Variants in SERPING1 observed in about 807,000 individuals in gnomAD.
SERPING1 encodes plasma protease C1 inhibitor.
SERPING1 carries 5 observed loss-of-function variants against 34.1 expected under a neutral mutation model. The observed-to-expected ratio is 0.15, with a 90% CI of 0.08 to 0.31. SERPING1 has a LOEUF of 0.31. Ranked by LOEUF, SERPING1 falls within the 10% of genes least tolerant of loss-of-function variation. The pLI, the probability that SERPING1 is intolerant of heterozygous loss-of-function variation, is 1.00. For missense variants in SERPING1, 505 were observed against 609.5 expected (o/e 0.83, Z 1.81); for synonymous variants, 225 against 242.4 (o/e 0.93, Z 0.67).
At chr11:57,608,759 G>A (rs1022630084) in intron 6 of SERPING1, among the ~76,000 whole-genome samples, 6 of 150,398 alleles carry the variant, frequency 4.0e-5, no homozygotes, top group African/African-American at 9.8e-5. Flanking sequence ...GTGCTCGTCC[G>A]TCTTCGGCCT....
At chr11:57,601,725 T>C (rs1022330748) in intron 3 of SERPING1, among the ~76,000 whole-genome samples, 2 of 151,824 alleles carry the variant, frequency 1.3e-5, no homozygotes, top group African/African-American at 4.8e-5. Context: ...TAGCCAGGCA[T>C]AGTGATGCAT....
Position 57,611,742 on chromosome 11 carries a change from A to G in SERPING1, c.1055A>G (p.Asn352Ser), listed in dbSNP as rs776553402. Residue 352 changes from asparagine to serine, a missense_variant, in exon 7 of 8, where the codon AAT becomes AGT. Transcript: ENST00000278407. Reference protein sequence around the residue: ...AKVGQLQLSHNLSLVILVPQN... With the variant: ...AKVGQLQLSHSLSLVILVPQN... The stretch of plus-strand genomic sequence containing the variant: ...GTGGGGCAGCTGCAGCTCTCCCACA[A>G]TCTGAGTTTGGTGATCCTGGTACCC... 6 of 1,614,088 alleles carry G rather than the reference A, an allele frequency of 3.7e-6. No homozygotes were observed. The highest frequency in any genetic ancestry group is 1.7e-5 in the Admixed American group (1 of 60,004).
chr11:57,605,754 T>G, intron 4 of SERPING1: 1 of 549,576 alleles, frequency 1.8e-6, no homozygotes, highest in Non-Finnish European at 3.3e-6. Flanking sequence ...AAAGATTATC[T>G]TGCCGAGCCA....
chr11:57,610,588 T>A (rs910292248), intron 6 of SERPING1, among the ~76,000 whole-genome samples: 2 of 152,258 alleles, frequency 1.3e-5, no homozygotes, highest in South Asian at 4.1e-4. Flanking sequence ...TTCTAGATTC[T>A]TTTTGTTCCT....
At chr11:57,609,241 G>T (rs1015721692) in intron 6 of SERPING1, among the ~76,000 whole-genome samples, 5 of 151,930 alleles carry the variant, frequency 3.3e-5, no homozygotes, top group Non-Finnish European at 5.9e-5. Flanking sequence ...TCGCGCCACT[G>T]CACTCCAACC....
intron 6 of SERPING1, chr11:57,611,424 G>A (rs1014576857): frequency 2.5e-5 from 12 of 487,294 alleles, no homozygotes; most frequent in Admixed American, 2.3e-4. Flanking sequence ...AGGGAACAGC[G>A]CTCAGAGAAA....
intron 3 of SERPING1, among the ~76,000 whole-genome samples, chr11:57,601,171 C>A (rs1812005): frequency 0.4 from 61,073 of 151,554 alleles, 13,074 homozygotes; most frequent in East Asian, 0.76. Context: ...GAGGCCGAGG[C>A]GGGCAGATCA....
At chr11:57,598,985 T>C (rs1252222564) in intron 2 of SERPING1, among the ~76,000 whole-genome samples, 1 of 152,074 alleles carries the variant, frequency 6.6e-6, no homozygotes, top group Non-Finnish European at 1.5e-5. Flanking sequence ...GCAGATGATG[T>C]AGTTATGAGC....
At chr11:57,604,020 C>A (rs184205947) in intron 4 of SERPING1, among the ~76,000 whole-genome samples, 1 of 150,666 alleles carries the variant, frequency 6.6e-6, no homozygotes, top group East Asian at 2.0e-4. Flanking sequence ...TGTGGTGGCA[C>A]GCGCCTGTAG....
At chr11:57,604,050 T>G (rs1353233591) in intron 4 of SERPING1, among the ~76,000 whole-genome samples, 1 of 150,112 alleles carries the variant, frequency 6.7e-6, no homozygotes, top group African/African-American at 2.5e-5. Context: ...GAGAATAACT[T>G]CAACCTGGGA....
chr11:57,611,988 G>A (rs1004628326), intron 7 of SERPING1, 52 bp downstream of exon 7: 1 of 1,413,068 alleles, frequency 7.1e-7, no homozygotes, highest in African/African-American at 1.4e-5. Flanking sequence ...GAGAAAGGGG[G>A]GATCCCTAAG....
At position 57,606,139 on chromosome 11, in the gene SERPING1, A is replaced by C. The variant is rs1252326446; in HGVS notation, c.815A>C (p.Asn272Thr). The change falls in exon 5 of 8, where the codon AAC becomes ACC. Residue 272 changes from asparagine (N) to threonine (T), a missense_variant. Asn to Thr is a moderately conservative substitution (Grantham distance 65, BLOSUM62 0). Transcript: ENST00000278407. ...INTWVAKNTN[N>T]KISRLLDSLP... ...ACCTGGGTGGCCAAGAACACCAACA[A>C]CAAGATCAGCCGGCTGCTAGACAGT... 6 of 1,614,006 alleles carry C rather than the reference A, an allele frequency of 3.7e-6. No individual in the cohort carries two copies. Among genetic ancestry groups the C allele is most frequent in the Non-Finnish European group, 5.1e-6 (6 of 1,179,992 alleles).
At chr11:57,603,724 A>T (rs1480582916) in intron 4 of SERPING1, among the ~76,000 whole-genome samples, 1 of 150,938 alleles carries the variant, frequency 6.6e-6, no homozygotes, top group Non-Finnish European at 1.5e-5. Context: ...CTGTGGTCCC[A>T]ACTACTTGGG....
intron 3 of SERPING1, 89 bp from the exon 4 acceptor site, chr11:57,601,946 T>A (rs1945351968): frequency 2.3e-5 from 29 of 1,288,520 alleles, no homozygotes; most frequent in Admixed American, 1.2e-4. Flanking sequence ...GGGAATACCC[T>A]CCATTCCAGC....
chr11:57,612,667 T>C (rs1453095231), intron 7 of SERPING1, among the ~76,000 whole-genome samples: 1 of 152,134 alleles, frequency 6.6e-6, no homozygotes, highest in Non-Finnish European at 1.5e-5. Context: ...TCCACCTGCC[T>C]CGGCCTCCCA....
Position 57,606,026 on chromosome 11 carries a change from C to T in SERPING1, c.702C>T (p.Asp234=). Residue 234 remains aspartate, a synonymous_variant, in exon 5 of 8, where the codon GAC becomes GAT. Transcript: ENST00000278407. ...TACCCCCAGACCTGGCCATAAGGGA[C>T]ACCTTTGTGAATGCCTCTCGGACCC... ...IFHSPDLAIR[D]TFVNASRTLY... is the part of the protein sequence containing the mutation. The T allele has an allele frequency of 6.2e-7, 1 of 1,614,100 alleles. No individual in the cohort carries two copies. The highest frequency in any genetic ancestry group is 8.5e-7 in the Non-Finnish European group (1 of 1,180,008).
chr11:57,606,383 C>A (rs762368873), intron 5 of SERPING1, 25 bp from the exon 6 acceptor site: 2 of 1,614,010 alleles, frequency 1.2e-6, no homozygotes, highest in Non-Finnish European at 1.7e-6. Context: ...TGCATTAGAG[C>A]AACCCTCCCA....
chr11:57,611,994 C>T lies in SERPING1; in HGVS notation c.1249+58C>T, dbSNP rs1045580680. 5.7e-5 allele frequency: 79 copies of T among 1,376,206 alleles called. No homozygotes were observed. In the Admixed American group the frequency reaches 1.2e-3, roughly 21 times the overall value. 85.2% of individuals were successfully genotyped at this position (1,376,206 alleles called of 1,614,324 possible). On this transcript the variant is annotated intron_variant, in intron 7 of 7. Coordinates refer to ENST00000278407, the MANE Select transcript of SERPING1 (RefSeq NM_000062.3). ...CCATCAGAGGAGAAAGGGGGGATCC[C>T]TAAGATGTAGTTAGCATTCTCTAGA...
intron 4 of SERPING1, among the ~76,000 whole-genome samples, chr11:57,604,683 T>G (rs141524721): frequency 3.3e-5 from 5 of 152,230 alleles, no homozygotes; most frequent in African/African-American, 7.2e-5. Context: ...TTTAAGCTGT[T>G]TTTTTTGTTT....
Sources: allele counts gnomAD v4.1 joint callset (sites outside exome capture counted in the v4.1 genomes callset), GRCh38; gene constraint gnomAD v4.1.1; transcripts MANE v1.5; gene names NCBI Gene and HGNC (gene_info 2026-07-23, HGNC 2026-07-21).